RERE: variants seen among roughly 807,000 people sequenced by gnomAD.
RERE encodes the protein arginine-glutamic acid dipeptide repeats protein.
RERE carries 40 observed loss-of-function variants against 146.1 expected under a neutral mutation model. The ratio of observed to expected loss-of-function variants is 0.27; its 90% CI spans 0.21 to 0.36. The LOEUF (loss-of-function observed/expected upper bound fraction) is 0.36. Among genes scored for constraint, RERE ranks in the 10% least tolerant of loss-of-function variants. RERE has a pLI of 1.00. For synonymous variants in RERE, 1,003 were observed against 866.0 expected (o/e 1.16, Z -2.78); for missense variants, 1,933 against 2,138.7 (o/e 0.90, Z 1.90).
intron 4 of RERE, among the ~76,000 whole-genome samples, chr1:8,588,732 T>G (rs187045857): frequency 6.6e-6 from 1 of 152,306 alleles, no homozygotes; most frequent in Admixed American, 6.5e-5. Context: ...ATCCCTCAAG[T>G]AGAAACAGGA....
intron 11 of RERE, among the ~76,000 whole-genome samples, chr1:8,459,779 TA>T (rs1010943856): frequency 6.6e-6 from 1 of 151,526 alleles, no homozygotes; most frequent in Non-Finnish European, 1.5e-5. Flanking sequence ...GTTCTAACAA[TA>T]AAAAAAACAA....
chr1:8,683,580 AAC>A (rs1639022470), intron 1 of RERE, among the ~76,000 whole-genome samples: 1 of 152,202 alleles, frequency 6.6e-6, no homozygotes. Flanking sequence ...AAAGGTATAA[AAC>A]ACAGAAAATA....
intron 4 of RERE, among the ~76,000 whole-genome samples, chr1:8,571,098 A>C (rs1646216190): frequency 6.6e-6 from 1 of 152,254 alleles, no homozygotes; most frequent in Admixed American, 6.5e-5. Context: ...GAACCCTTGA[A>C]GCTGAAAGCA....
intron 12 of RERE, among the ~76,000 whole-genome samples, chr1:8,372,755 G>C (rs1642089880): frequency 6.6e-6 from 1 of 152,198 alleles, no homozygotes; most frequent in East Asian, 1.9e-4. Flanking sequence ...CATGCAGACA[G>C]AGGGGAGATA....
At chr1:8,529,591 C>T (rs936263284) in intron 7 of RERE, among the ~76,000 whole-genome samples, 6 of 151,980 alleles carry the variant, frequency 3.9e-5, no homozygotes, top group Non-Finnish European at 7.4e-5. Context: ...TGAGCCACCA[C>T]GCCCGGCCAC....
At chr1:8,675,611 T>C (rs1450562267) in intron 1 of RERE, among the ~76,000 whole-genome samples, 1 of 151,822 alleles carries the variant, frequency 6.6e-6, no homozygotes, top group East Asian at 1.9e-4. Context: ...TAATCCCAGC[T>C]ACTTGGGAAG....
At chr1:8,697,260 GAAAT>G (rs926549647) in intron 1 of RERE, among the ~76,000 whole-genome samples, 10 of 152,226 alleles carry the variant, frequency 6.6e-5, no homozygotes, top group African/African-American at 2.2e-4. Flanking sequence ...GTAACAGTAA[GAAAT>G]AAACAGCAAA....
chr1:8,785,731 C>A (rs558126404), intron 1 of RERE, among the ~76,000 whole-genome samples: 2 of 152,302 alleles, frequency 1.3e-5, no homozygotes, highest in East Asian at 3.9e-4. Flanking sequence ...AAGCAATTCT[C>A]CTGCCTCAGC....
At chr1:8,524,705 G>A (rs76666173) in intron 7 of RERE, among the ~76,000 whole-genome samples, 3 of 152,166 alleles carry the variant, frequency 2.0e-5, no homozygotes, top group Non-Finnish European at 4.4e-5. Context: ...ATCTACTTGG[G>A]TAAGAATTCA....
At chr1:8,359,681 G>A (rs1304170693) in intron 19 of RERE, 83 bp downstream of exon 19, 5 of 1,466,060 alleles carry the variant, frequency 3.4e-6, no homozygotes, top group African/African-American at 1.4e-5. Context: ...GGCAGCCAAG[G>A]GCAGAGCTCG....
chr1:8,466,150 C>T, intron 10 of RERE, 127 bp from the exon 11 acceptor site: 1 of 720,058 alleles, frequency 1.4e-6, no homozygotes, highest in Non-Finnish European at 2.2e-6. Context: ...GAGACTCCAT[C>T]ATTTCAGTAG....
At chr1:8,615,365 A>G (rs1339505995) in intron 3 of RERE, among the ~76,000 whole-genome samples, 2 of 152,266 alleles carry the variant, frequency 1.3e-5, no homozygotes, top group East Asian at 1.9e-4. Flanking sequence ...TTTTATAGGC[A>G]AAACTAGTTT....
intron 1 of RERE, among the ~76,000 whole-genome samples, chr1:8,782,428 C>A (rs1206158314): frequency 1.3e-5 from 2 of 152,004 alleles, no homozygotes; most frequent in East Asian, 3.8e-4. Flanking sequence ...TCTTCTCTTC[C>A]CTATACTCCA....
chr1:8,406,151 G>A (rs1356336971), intron 12 of RERE, among the ~76,000 whole-genome samples: 4 of 152,212 alleles, frequency 2.6e-5, no homozygotes, highest in South Asian at 2.1e-4. Flanking sequence ...AGGCTGGAGC[G>A]CAGTGGTGTG....
chr1:8,668,617 A>C (rs747805042), intron 1 of RERE, among the ~76,000 whole-genome samples: 17 of 152,218 alleles, frequency 1.1e-4, no homozygotes, highest in Non-Finnish European at 2.1e-4. Context: ...ACACAATAAA[A>C]TATCCAGCAA....
rs542633060 is a variant in RERE, at chr1:8,356,298, T to A, written c.4340-52A>T. 1.4e-5 allele frequency: 21 copies of A among 1,452,522 alleles called. No individual in the cohort carries two copies. In the African/African-American group the frequency reaches 2.6e-4, roughly 18 times the overall value. 90.0% of individuals were successfully genotyped at this position (1,452,522 alleles called of 1,614,324 possible). A position where few individuals can be genotyped will look rare whatever the true frequency, so the allele number is the denominator to read the frequency against. On this transcript the variant is annotated intron_variant, in intron 20 of 22. Transcript: ENST00000400908. The surrounding 1 kb of genome is among the most constrained non-coding windows in gnomAD (Gnocchi z 5.2). ...GAGGCGGTGTGCAGCTCTTCAATGTTTGTCCCCCTTGGCTGGAATGACCGA... is the reference window on the plus strand; with the variant it reads ...GAGGCGGTGTGCAGCTCTTCAATGTATGTCCCCCTTGGCTGGAATGACCGA...
intron 15 of RERE, chr1:8,363,814 C>T (rs1557589644): frequency 1.8e-6 from 1 of 566,536 alleles, no homozygotes; most frequent in Non-Finnish European, 3.2e-6. Flanking sequence ...CTGCACTGAG[C>T]CAGAAGCTAA....
At chr1:8,740,359 G>A (rs1342864724) in intron 1 of RERE, among the ~76,000 whole-genome samples, 1 of 152,222 alleles carries the variant, frequency 6.6e-6, no homozygotes, top group Non-Finnish European at 1.5e-5. Flanking sequence ...ACTGGAAGTT[G>A]CTCTGGGTGA....
chr1:8,380,252 A>AG (rs893316483), intron 12 of RERE, among the ~76,000 whole-genome samples: 1 of 151,970 alleles, frequency 6.6e-6, no homozygotes, highest in African/African-American at 2.4e-5. Flanking sequence ...AATCTCTAAC[A>AG]GCCTCAGAGC....
Sources: gnomAD v4.1 joint callset for allele counts (sites outside exome capture counted in the v4.1 genomes callset) on GRCh38, gnomAD v4.1.1 for gene constraint, Gnocchi (gnomAD v3.1) non-coding constraint, MANE v1.5 for transcripts, NCBI Gene and HGNC (gene_info 2026-07-23, HGNC 2026-07-21) for gene names.